FBXO22: variants seen among roughly 807,000 people sequenced by gnomAD.
FBXO22 encodes F-box protein 22.
In FBXO22, 13 loss-of-function variants were observed where a neutral mutation model predicts 37.2. That is an observed-to-expected ratio of 0.35 (90% CI 0.23 to 0.56). FBXO22 has a LOEUF of 0.56. Ranked by LOEUF, FBXO22 falls within the 20% of genes least tolerant of loss-of-function variation. The pLI is 0.87. For missense variants in FBXO22, 446 were observed against 509.9 expected (o/e 0.87, Z 1.21); for synonymous variants, 189 against 189.1 (o/e 1.00, Z 0.00).
chr15:75,923,799 CTG>C (rs1478468484), intron 5 of FBXO22, among the ~76,000 whole-genome samples: 8 of 151,956 alleles, frequency 5.3e-5, no homozygotes, highest in Non-Finnish European at 1.2e-4. Context: ...GAGACACAGA[CTG>C]TTGTAGTGGT....
intron 6 of FBXO22, among the ~76,000 whole-genome samples, chr15:75,932,329 G>A (rs1441887643): frequency 6.6e-6 from 1 of 152,142 alleles, no homozygotes; most frequent in African/African-American, 2.4e-5. Context: ...TTCGTTTAGT[G>A]GATATCTTTG....
intron 5 of FBXO22, among the ~76,000 whole-genome samples, chr15:75,924,841 A>T (rs973144839): frequency 4.6e-5 from 7 of 152,168 alleles, no homozygotes; most frequent in Non-Finnish European, 7.4e-5. Context: ...GTTATATAGC[A>T]AACAGTTGAC....
intron 2 of FBXO22, among the ~76,000 whole-genome samples, chr15:75,911,935 T>C (rs201530123): frequency 6.7e-6 from 1 of 149,912 alleles, no homozygotes; most frequent in Non-Finnish European, 1.5e-5. Flanking sequence ...TGAGATACGT[T>C]CCATCAATAC....
rs1479078524 is a variant in FBXO22 at position 75,942,071 on chromosome 15, G to A, written c.*8969G>A. On this transcript the variant is annotated 3_prime_UTR_variant, in exon 7 of 7. Coordinates refer to ENST00000308275, the MANE Select transcript of FBXO22 (RefSeq NM_147188.3). The stretch of plus-strand genomic sequence containing the variant: ...ATTGCTAAGTGAAAGAAGTTAGTCT[G>A]AAAGGCTACATACTACATGATTTCA... 1 of 150,074 alleles carries A rather than the reference G, an allele frequency of 6.7e-6. No homozygotes were observed. The highest frequency in any genetic ancestry group is 1.5e-5 in the Non-Finnish European group (1 of 67,790). 9.3% of individuals were successfully genotyped at this position (150,074 alleles called of 1,614,324 possible). A position where few individuals can be genotyped will look rare whatever the true frequency, so the allele number is the denominator to read the frequency against.
chr15:75,926,978 C>A (rs774606617), intron 5 of FBXO22, among the ~76,000 whole-genome samples: 1 of 152,188 alleles, frequency 6.6e-6, no homozygotes, highest in Non-Finnish European at 1.5e-5. Context: ...CCTAGAGTTA[C>A]AATTGACATG....
In FBXO22 at chr15:75,935,990, T is replaced by C. The variant is rs1305524607; in HGVS notation, c.*2888T>C. The C allele has an allele frequency of 2.6e-5, 4 of 152,138 alleles. No homozygotes were observed. The highest frequency in any genetic ancestry group is 9.7e-5 in the African/African-American group (4 of 41,424). The allele number at this position is 152,138 out of a possible 1,614,324, so 9.4% of individuals were successfully genotyped here. A position where few individuals can be genotyped will look rare whatever the true frequency, so the allele number is the denominator to read the frequency against. ...TTTTAGTAGAGACGGGGTTTCACCG[T>C]GTTAGCCAAGATGGTCTCGATCTCC... On this transcript the variant is annotated 3_prime_UTR_variant, in exon 7 of 7. Coordinates refer to ENST00000308275, the MANE Select transcript of FBXO22 (RefSeq NM_147188.3).
intron 2 of FBXO22, among the ~76,000 whole-genome samples, chr15:75,910,627 A>C (rs1900032087): frequency 6.6e-6 from 1 of 151,680 alleles, no homozygotes; most frequent in South Asian, 2.1e-4. Context: ...TTTTTTCTTC[A>C]AATTTATTTA....
chr15:75,918,955 T>G (rs906037267), intron 5 of FBXO22, among the ~76,000 whole-genome samples: 1 of 152,114 alleles, frequency 6.6e-6, no homozygotes, highest in African/African-American at 2.4e-5. Flanking sequence ...TGACCATATA[T>G]TCTTTTTTTT....
At chr15:75,907,906 C>A (rs1899964214) in intron 2 of FBXO22, among the ~76,000 whole-genome samples, 1 of 151,972 alleles carries the variant, frequency 6.6e-6, no homozygotes, top group Admixed American at 6.6e-5. Flanking sequence ...TGCACCACTT[C>A]ACTCCAGCCT....
At chr15:75,904,331 C>G in intron 1 of FBXO22, 160 bp from the exon 2 acceptor site, 1 of 1,192,532 alleles carries the variant, frequency 8.4e-7, no homozygotes, top group South Asian at 1.4e-5. Flanking sequence ...ATATCTGGCT[C>G]TTCTTCCGAA....
intron 5 of FBXO22, among the ~76,000 whole-genome samples, chr15:75,928,833 C>T (rs2029901244): frequency 6.6e-6 from 1 of 152,204 alleles, no homozygotes. Context: ...TTACACTCTG[C>T]CACCTCCTAG....
At chr15:75,927,992 T>C (rs1193653127) in intron 5 of FBXO22, among the ~76,000 whole-genome samples, 2 of 152,024 alleles carry the variant, frequency 1.3e-5, no homozygotes, top group African/African-American at 4.8e-5. Context: ...CCAACAATCA[T>C]AGGAAAAAAA....
chr15:75,906,314 C>T (rs75552790), intron 2 of FBXO22, among the ~76,000 whole-genome samples: 239 of 152,154 alleles, frequency 1.6e-3, no homozygotes, highest in Non-Finnish European at 2.9e-3. Flanking sequence ...AAGTGTACTC[C>T]TTGCCATTGA....
At chr15:75,920,461 A>G (rs565004935) in intron 5 of FBXO22, among the ~76,000 whole-genome samples, 1 of 152,204 alleles carries the variant, frequency 6.6e-6, no homozygotes, top group African/African-American at 2.4e-5. Context: ...GAAGAAGATG[A>G]TCAATGTGTT....
rs1324444210 is a variant in FBXO22, at chr15:75,940,566, C to T, written c.*7464C>T. 2 of 151,456 alleles carry T rather than the reference C, an allele frequency of 1.3e-5. No individual in the cohort carries two copies. The highest frequency in any genetic ancestry group is 2.9e-5 in the Non-Finnish European group (2 of 67,880). The allele number at this position is 151,456 out of a possible 1,614,324, so 9.4% of individuals were successfully genotyped here. On this transcript the variant is annotated 3_prime_UTR_variant, in exon 7 of 7. Coordinates refer to ENST00000308275, the MANE Select transcript of FBXO22 (RefSeq NM_147188.3). ...TGAGAAAGAAGAACAAATTGGAGGA[C>T]TTAAACCTGCAGAGTTTAAAACTTA... is the stretch of plus-strand genomic sequence containing the variant.
rs1012837948 is a variant in FBXO22 at position 75,937,104 on chromosome 15, G to C, written c.*4002G>C. ...TACTTAATAAACATACTCTATTCAA[G>C]GTCTTGTAATAAAATTATAGGGAGG... On this transcript the variant is annotated 3_prime_UTR_variant, in exon 7 of 7. Transcript: ENST00000308275. The C allele has an allele frequency of 1.3e-5, 2 of 151,676 alleles. No individual in the cohort carries two copies. Among genetic ancestry groups the C allele is most frequent in the African/African-American group, 4.8e-5 (2 of 41,256 alleles). 9.4% of individuals were successfully genotyped at this position (151,676 alleles called of 1,614,324 possible). A position where few individuals can be genotyped will look rare whatever the true frequency, so the allele number is the denominator to read the frequency against.
intron 6 of FBXO22, 66 bp from the exon 7 acceptor site, chr15:75,932,619 A>G (rs1595920174): frequency 6.9e-7 from 1 of 1,455,042 alleles, no homozygotes; most frequent in South Asian, 1.4e-5. Flanking sequence ...AATCAGGAGG[A>G]TTTTGCTTCT....
At chr15:75,912,114 G>A (rs932091012) in intron 2 of FBXO22, among the ~76,000 whole-genome samples, 20 of 151,816 alleles carry the variant, frequency 1.3e-4, no homozygotes, top group African/African-American at 4.6e-4. Context: ...GCATCCCAGG[G>A]GTGAAGCCGA....
Position 75,934,831 on chromosome 15 carries a change from G to A in FBXO22, c.*1729G>A, listed in dbSNP as rs1410205192. On this transcript the variant is annotated 3_prime_UTR_variant, in exon 7 of 7. Transcript: ENST00000308275. ...TAACCAGAATTGGTTGAATAGTAGA[G>A]GAAAAGGGATTTTTAAAACTGAAAA... 6.6e-6 allele frequency: 1 copy of A among 152,130 alleles called. No homozygotes were observed. The highest frequency in any genetic ancestry group is 1.5e-5 in the Non-Finnish European group (1 of 68,028). 9.4% of individuals were successfully genotyped at this position (152,130 alleles called of 1,614,324 possible).
Sources: gnomAD v4.1 joint callset for allele counts (sites outside exome capture counted in the v4.1 genomes callset) on GRCh38, gnomAD v4.1.1 for gene constraint, MANE v1.5 for transcripts, NCBI Gene and HGNC (gene_info 2026-07-23, HGNC 2026-07-21) for gene names.